Variants in PCED1B observed in about 807,000 individuals in gnomAD.
PCED1B encodes the protein PC-esterase domain-containing protein 1B.
For synonymous variants in PCED1B, 251 were observed against 246.1 expected (o/e 1.02, Z -0.19); for missense variants, 573 against 573.9 (o/e 1.00, Z 0.02).
intron 2 of PCED1B, among the ~76,000 whole-genome samples, chr12:47,107,507 A>C (rs1309799005): frequency 6.6e-6 from 1 of 152,246 alleles, no homozygotes; most frequent in Non-Finnish European, 1.5e-5. Context: ...TTCCCAGAAG[A>C]AGCAGAAAGT....
At chr12:47,186,743 G>A (rs1301247964) in intron 2 of PCED1B, among the ~76,000 whole-genome samples, 2 of 152,150 alleles carry the variant, frequency 1.3e-5, no homozygotes, top group Non-Finnish European at 2.9e-5. Flanking sequence ...CAGTCTGAGG[G>A]CCTTCAGAAT....
chr12:47,217,470 G>GAGAAAGAAAGAAAGAAAGAAAGAA (rs200992609), intron 3 of PCED1B, among the ~76,000 whole-genome samples: 18 of 90,868 alleles, frequency 2.0e-4, no homozygotes, highest in Non-Finnish European at 3.0e-4. Context: ...AAGAAAGAAA[G>GAGAAAGAAAGAAAGAAAGAAAGAA]AGAAAGAAAG....
intron 2 of PCED1B, among the ~76,000 whole-genome samples, chr12:47,155,960 C>G (rs1941179537): frequency 6.6e-6 from 1 of 152,104 alleles, no homozygotes; most frequent in African/African-American, 2.4e-5. Flanking sequence ...ATTCATCTCC[C>G]CAGAAATCAT....
At chr12:47,220,796 G>A (rs1427066996) in intron 3 of PCED1B, among the ~76,000 whole-genome samples, 1 of 152,190 alleles carries the variant, frequency 6.6e-6, no homozygotes, top group Non-Finnish European at 1.5e-5. Context: ...TAGGAGAGTA[G>A]GGAAGGCTCT....
In PCED1B at chr12:47,128,732, T is replaced by A. The variant is rs573567078; in HGVS notation, c.-526+24537T>A. 4.2e-4 allele frequency among the ~76,000 whole-genome samples: 64 copies of A among 152,338 alleles called. 1 individual carries two copies. The highest frequency in any genetic ancestry group is 4.2e-3 in the Admixed American group (64 of 15,302). ...ACTGGAAGAGGAACTGTCATGCATT[T>A]GAGATTCCTAGTCTTGAGATACAGA... On this transcript the variant is annotated intron_variant, in intron 2 of 3. Transcript: ENST00000546455.
intron 3 of PCED1B, among the ~76,000 whole-genome samples, chr12:47,220,354 TAG>T (rs1010175828): frequency 9.9e-5 from 15 of 152,044 alleles, no homozygotes; most frequent in African/African-American, 3.6e-4. Flanking sequence ...GTATTTTTAG[TAG>T]AGACTGGGTT....
chr12:47,103,944 T>C (rs1938832321), intron 1 of PCED1B, among the ~76,000 whole-genome samples, 169 bp from the exon 2 acceptor site: 1 of 152,236 alleles, frequency 6.6e-6, no homozygotes, highest in African/African-American at 2.4e-5. Flanking sequence ...TGCATCCAGA[T>C]GAGTAAAATC....
intron 2 of PCED1B, among the ~76,000 whole-genome samples, chr12:47,200,728 A>G (rs188188645): frequency 6.6e-6 from 1 of 152,340 alleles, no homozygotes; most frequent in Admixed American, 6.5e-5. Context: ...TGCCTTGCTG[A>G]TATTAGTGCA....
At chr12:47,084,888 C>T (rs560367367) in intron 1 of PCED1B, among the ~76,000 whole-genome samples, 1 of 152,194 alleles carries the variant, frequency 6.6e-6, no homozygotes, top group Non-Finnish European at 1.5e-5. Context: ...GTAATCCCAG[C>T]ACTTTGGGAG....
At chr12:47,212,572 T>A (rs1330583688) in intron 2 of PCED1B, among the ~76,000 whole-genome samples, 1 of 152,190 alleles carries the variant, frequency 6.6e-6, no homozygotes. Context: ...CGATGATTTC[T>A]GTCATCTCCC....
At chr12:47,150,740 G>A (rs373713149) in intron 2 of PCED1B, among the ~76,000 whole-genome samples, 8 of 152,148 alleles carry the variant, frequency 5.3e-5, no homozygotes, top group South Asian at 4.2e-4. Context: ...GTTGAGCAGC[G>A]AGGAGCTTAT....
At chr12:47,139,916 T>C (rs1940530401) in intron 2 of PCED1B, among the ~76,000 whole-genome samples, 1 of 152,102 alleles carries the variant, frequency 6.6e-6, no homozygotes, top group Admixed American at 6.5e-5. Flanking sequence ...GTATATAGTG[T>C]GTACATGTGT....
At chr12:47,164,305 A>G (rs1941477618) in intron 2 of PCED1B, among the ~76,000 whole-genome samples, 2 of 152,218 alleles carry the variant, frequency 1.3e-5, no homozygotes, top group South Asian at 2.1e-4. Context: ...TACTTTCAAG[A>G]TACAATGGTG....
intron 2 of PCED1B, among the ~76,000 whole-genome samples, chr12:47,154,442 T>G (rs1165186388): frequency 6.6e-6 from 1 of 152,176 alleles, no homozygotes; most frequent in Non-Finnish European, 1.5e-5. Flanking sequence ...GAACCAACTT[T>G]ATGTTTCAGC....
chr12:47,204,513 A>T (rs1480925956), intron 2 of PCED1B, among the ~76,000 whole-genome samples: 1 of 152,152 alleles, frequency 6.6e-6, no homozygotes, highest in Non-Finnish European at 1.5e-5. Flanking sequence ...GAATCTATAT[A>T]CAAAGAACAA....
intron 2 of PCED1B, among the ~76,000 whole-genome samples, chr12:47,194,031 C>T (rs1261910525): frequency 6.6e-6 from 1 of 152,206 alleles, no homozygotes; most frequent in African/African-American, 2.4e-5. Context: ...TGTGCTCTGC[C>T]ACCTGCAGGG....
intron 1 of PCED1B, among the ~76,000 whole-genome samples, chr12:47,085,658 T>C (rs938222482): frequency 6.6e-6 from 1 of 152,126 alleles, no homozygotes; most frequent in African/African-American, 2.4e-5. Flanking sequence ...AAAATATATA[T>C]GTATGTTAAT....
At chr12:47,089,736 T>A (rs1938182219) in intron 1 of PCED1B, among the ~76,000 whole-genome samples, 1 of 151,940 alleles carries the variant, frequency 6.6e-6, no homozygotes, top group Admixed American at 6.6e-5. Context: ...TAAGACACTG[T>A]CATCCCCAGG....
intron 2 of PCED1B, among the ~76,000 whole-genome samples, chr12:47,111,580 ACCT>A (rs1197167407): frequency 1.3e-5 from 2 of 151,722 alleles, no homozygotes; most frequent in Non-Finnish European, 2.9e-5. Context: ...TTAAAAAAAA[ACCT>A]CCTAATTCTT....
Sources: gnomAD v4.1 joint callset for allele counts (sites outside exome capture counted in the v4.1 genomes callset) on GRCh38, gnomAD v4.1.1 for gene constraint, MANE v1.5 for transcripts, NCBI Gene and HGNC (gene_info 2026-07-23, HGNC 2026-07-21) for gene names.